The following PLXNA4 variants were observed in gnomAD, a reference collection of about 807,000 sequenced individuals.
The protein encoded by PLXNA4 is plexin A4.
Under a neutral mutation model 191.8 loss-of-function variants are expected in PLXNA4, and 44 were observed. The ratio of observed to expected loss-of-function variants is 0.23; its 90% confidence interval spans 0.18 to 0.29. The LOEUF (loss-of-function observed/expected upper bound fraction) is 0.29, where lower values mean the gene tolerates loss of function less well. PLXNA4 is among the 10% of genes least tolerant of loss of function. The pLI is 1.00. For missense variants in PLXNA4, 1,800 were observed against 2,488.8 expected (o/e 0.72, Z 5.89); for synonymous variants, 1,082 against 1,009.5 (o/e 1.07, Z -1.36).
At chr7:132,525,967 C>T (rs970897828) in intron 1 of PLXNA4, among the ~76,000 whole-genome samples, 1 of 152,282 alleles carries the variant, frequency 6.6e-6, no homozygotes, top group East Asian at 1.9e-4. Flanking sequence ...TGCTTAAACC[C>T]TATTATGACC....
intron 3 of PLXNA4, among the ~76,000 whole-genome samples, chr7:132,398,294 G>C (rs1472531059): frequency 6.6e-6 from 1 of 152,236 alleles, no homozygotes; most frequent in African/African-American, 2.4e-5. Context: ...ATATTCTCCT[G>C]TGAAACTGTT....
At chr7:132,163,208 C>T (rs764389136) in intron 24 of PLXNA4, among the ~76,000 whole-genome samples, 8 of 152,252 alleles carry the variant, frequency 5.3e-5, no homozygotes, top group African/African-American at 1.4e-4. Flanking sequence ...CAAAAAATCC[C>T]GAGAGTGAGC....
rs142512046 is a variant in PLXNA4, at chr7:132,639,323, A to G, written c.-87+6605T>C. On this transcript the variant is annotated intron_variant, in intron 2 of 4. Transcript: ENST00000378539. The stretch of plus-strand genomic sequence containing the variant: ...GTGCCTCAGTTTCCACTTCCAGCCC[A>G]AAGGGAAGATCAAACCTCATGCTCT... 5.3e-5 allele frequency among the ~76,000 whole-genome samples: 8 copies of G among 152,270 alleles called. No homozygotes were observed. The East Asian group carries it at 1.5e-3, about 29-fold the overall frequency.
intron 3 of PLXNA4, among the ~76,000 whole-genome samples, chr7:132,309,666 G>A (rs1801654550): frequency 6.6e-6 from 1 of 152,196 alleles, no homozygotes; most frequent in Non-Finnish European, 1.5e-5. Flanking sequence ...GGCCTCCTCT[G>A]GAGTGGGATC....
intron 3 of PLXNA4, among the ~76,000 whole-genome samples, chr7:132,334,901 T>G (rs1411968849): frequency 6.6e-6 from 1 of 152,240 alleles, no homozygotes; most frequent in African/African-American, 2.4e-5. Context: ...TCATTCAAAA[T>G]GCAGGACTGT....
At chr7:132,600,523 C>T (rs986280795) in intron 2 of PLXNA4, among the ~76,000 whole-genome samples, 3 of 152,174 alleles carry the variant, frequency 2.0e-5, no homozygotes, top group Middle Eastern at 6.8e-3. Flanking sequence ...CCACTATGCC[C>T]AGCCAATTAT....
At chr7:132,423,193 C>T (rs1283499529) in intron 3 of PLXNA4, among the ~76,000 whole-genome samples, 1 of 152,240 alleles carries the variant, frequency 6.6e-6, no homozygotes, top group African/African-American at 2.4e-5. Flanking sequence ...TCTGCATTCC[C>T]AGCACTGTGC....
At chr7:132,258,116 C>A (rs1464935379) in intron 4 of PLXNA4, among the ~76,000 whole-genome samples, 1 of 152,228 alleles carries the variant, frequency 6.6e-6, no homozygotes. Context: ...CCTGGTCTGC[C>A]CTCATGTCGG....
At position 132,563,080 on chromosome 7, in the gene PLXNA4, TCC is replaced by T. The variant is rs1451442080; in HGVS notation, c.-87+13340_-87+13341del. On this transcript the variant is annotated intron_variant, in intron 1 of 31. Transcript: ENST00000321063. ...CTCCTTCTCCTCCTCCTCCTCCTTC[TCC>T]TCCTCCTCTTCTTCCTCCTCCTCCT... 3.7e-5 allele frequency among the ~76,000 whole-genome samples: 3 copies of T among 81,536 alleles called. No homozygotes were observed. In the South Asian group the frequency reaches 2.4e-3, roughly 64 times the overall value. 53.5% of individuals were successfully genotyped at this position (81,536 alleles called of 152,430 possible).
chr7:132,212,080 G>A (rs1797821237), intron 9 of PLXNA4, among the ~76,000 whole-genome samples: 1 of 152,180 alleles, frequency 6.6e-6, no homozygotes, highest in East Asian at 1.9e-4. Context: ...AGCATGGCCT[G>A]GGCATCCCCT....
intron 2 of PLXNA4, among the ~76,000 whole-genome samples, chr7:132,620,347 A>C (rs1206018276): frequency 1.3e-5 from 2 of 152,220 alleles, no homozygotes; most frequent in Non-Finnish European, 2.9e-5. Context: ...ATGTTAAGAT[A>C]ATAACAAAAC....
At chr7:132,585,685 G>A (rs917741479) in intron 2 of PLXNA4, among the ~76,000 whole-genome samples, 1 of 152,216 alleles carries the variant, frequency 6.6e-6, no homozygotes, top group Admixed American at 6.5e-5. Context: ...GAGGGTGCCA[G>A]CATGGTCAGG....
chr7:132,390,604 A>G (rs1287750259), intron 3 of PLXNA4, among the ~76,000 whole-genome samples: 3 of 152,166 alleles, frequency 2.0e-5, no homozygotes, highest in African/African-American at 4.8e-5. Context: ...AAAGGCCCCC[A>G]CTGAAAACAC....
intron 30 of PLXNA4, among the ~76,000 whole-genome samples, chr7:132,139,550 C>T (rs1352146581): frequency 6.6e-6 from 1 of 152,194 alleles, no homozygotes; most frequent in Non-Finnish European, 1.5e-5. Flanking sequence ...CACAAAGGTA[C>T]TTGGACAAGA....
chr7:132,623,209 G>A (rs1393778537), intron 2 of PLXNA4, among the ~76,000 whole-genome samples: 1 of 151,992 alleles, frequency 6.6e-6, no homozygotes, highest in Non-Finnish European at 1.5e-5. Flanking sequence ...AGCCGGGCGT[G>A]GCAGCACGTG....
chr7:132,132,477 G>GTATT (rs1794984247), intron 31 of PLXNA4, among the ~76,000 whole-genome samples: 1 of 61,462 alleles, frequency 1.6e-5, no homozygotes, highest in Admixed American at 2.0e-4. Flanking sequence ...GCTCTGCTCT[G>GTATT]CTCTGCTCTG....
At position 132,228,365 on chromosome 7, in the gene PLXNA4, A is replaced by G. The variant is rs1224985085; in HGVS notation, c.1709T>C (p.Val570Ala). The G allele has an allele frequency of 6.2e-7, 1 of 1,613,912 alleles. No homozygotes were observed. Among genetic ancestry groups the G allele is most frequent in the African/African-American group, 1.3e-5 (1 of 74,866 alleles). ...CCTTACCAGCACGTTGTACTGAGAG[A>G]CGGAGATATTGTTGGGATGGACCGT... ...RLTVHPNNISVSQYNVLLVLE... is the reference protein window; with the variant it reads ...RLTVHPNNISASQYNVLLVLE... The change falls in exon 6 of 32, where the codon GTC (valine) becomes GCC (alanine). Residue 570 changes from valine (V) to alanine (A), a missense_variant. Around this residue, in one of 6 missense-constraint regions of PLXNA4, gnomAD observed 1,397 missense variants for 1,880.4 expected, o/e 0.74. Transcript: ENST00000321063.
chr7:132,189,995 C>T (rs182127646), intron 14 of PLXNA4, among the ~76,000 whole-genome samples: 174 of 152,302 alleles, frequency 1.1e-3, no homozygotes, highest in Non-Finnish European at 2.0e-3. Context: ...AATGACAAAT[C>T]TTTGAGCTTC....
In PLXNA4 at chr7:132,123,376, A is replaced by T. The variant is rs1794687828; in HGVS notation, c.*7103T>A. On this transcript the variant is annotated 3_prime_UTR_variant, in exon 32 of 32. Coordinates refer to ENST00000321063, the MANE Select transcript of PLXNA4 (RefSeq NM_020911.2). ...TATTTTTTAATAAACTTTATTCTAT[A>T]TTACAAATAAGTTTTTTTTGTTCTG... is the stretch of plus-strand genomic sequence containing the variant. The T allele has an allele frequency of 6.6e-6, 1 of 152,042 alleles. No homozygotes were observed. Among genetic ancestry groups the T allele is most frequent in the African/African-American group, 2.4e-5 (1 of 41,436 alleles). The allele number at this position is 152,042 out of a possible 1,614,324, so 9.4% of individuals were successfully genotyped here.
Sources: allele counts gnomAD v4.1 joint callset (sites outside exome capture counted in the v4.1 genomes callset), GRCh38; gene constraint gnomAD v4.1.1; regional missense constraint gnomAD v4.1.1; transcripts MANE v1.5; gene names NCBI Gene and HGNC (gene_info 2026-07-23, HGNC 2026-07-21).